The following GPHN variants were observed in gnomAD, a reference collection of about 807,000 sequenced individuals.
GPHN encodes the protein gephyrin.
GPHN carries 17 observed loss-of-function variants against 95.5 expected under a neutral mutation model. The ratio of observed to expected loss-of-function variants is 0.18; its 90% CI spans 0.12 to 0.27. The LOEUF (loss-of-function observed/expected upper bound fraction) is 0.27, where lower values mean the gene tolerates loss of function less well. GPHN is among the 10% of genes least tolerant of loss of function. GPHN has a pLI of 1.00. For synonymous variants in GPHN, 320 were observed against 322.5 expected, an observed-to-expected ratio of 0.99 and a Z score of 0.08; for missense variants, 660 against 978.1, an observed-to-expected ratio of 0.67 and a Z score of 4.34.
intron 5 of GPHN, among the ~76,000 whole-genome samples, chr14:66,884,792 ATG>A (rs577117525): frequency 2.8e-4 from 41 of 145,938 alleles, no homozygotes; most frequent in Admixed American, 4.8e-4. Context: ...ACTCACACAT[ATG>A]TGTGTGTGTG....
the GPHN span, among the ~76,000 whole-genome samples, chr14:67,324,068 C>T: frequency 2.0e-5 from 3 of 152,202 alleles, no homozygotes; most frequent in Non-Finnish European, 4.4e-5. Flanking sequence ...GGAGATGTGA[C>T]TGCCACCAAA....
chr14:66,853,546 G>C (rs150131542), intron 4 of GPHN, among the ~76,000 whole-genome samples: 1,832 of 152,294 alleles, frequency 0.012, 18 homozygotes, highest in Non-Finnish European at 0.018. Flanking sequence ...TTGGCAGCAG[G>C]CAAGAGAGCT....
chr14:67,482,466 G>A, the GPHN span, among the ~76,000 whole-genome samples: 9 of 152,220 alleles, frequency 5.9e-5, no homozygotes, highest in African/African-American at 2.2e-4. Flanking sequence ...CCATGCAACC[G>A]GGCTGGGAAG....
chr14:67,172,760 AC>A (rs752872497), intron 21 of GPHN, among the ~76,000 whole-genome samples: 1 of 151,800 alleles, frequency 6.6e-6, no homozygotes, highest in Non-Finnish European at 1.5e-5. Flanking sequence ...TATTGCCCCC[AC>A]CCCAGGGCCC....
chr14:67,195,246 G>A, the GPHN span, among the ~76,000 whole-genome samples: 8 of 152,158 alleles, frequency 5.3e-5, no homozygotes, highest in African/African-American at 9.7e-5. Flanking sequence ...GTTCAAAAAG[G>A]AAGAGGGGCG....
chr14:66,891,915 C>G (rs1208522917), intron 5 of GPHN, among the ~76,000 whole-genome samples: 1 of 151,964 alleles, frequency 6.6e-6, no homozygotes. Flanking sequence ...CAAATCAGAA[C>G]CACAGTGATA....
Position 66,826,647 on chromosome 14 carries a change from C to T in GPHN, c.294+2081C>T, listed in dbSNP as rs564115799. On this transcript the variant is annotated intron_variant, in intron 4 of 22. Transcript: ENST00000478722. ...ATAGGTCCAAAACCTCCTGGAAACA[C>T]TTTACTTATGCTTACCAGTTTACTA... Among the ~76,000 whole-genome samples the T allele has an allele frequency of 5.3e-5, 8 of 152,260 alleles. No homozygotes were observed. The South Asian group carries it at 1.7e-3, about 32-fold the overall frequency.
intron 2 of GPHN, among the ~76,000 whole-genome samples, chr14:66,749,858 T>C (rs2153447074): frequency 6.6e-6 from 1 of 151,986 alleles, no homozygotes; most frequent in South Asian, 2.1e-4. Flanking sequence ...TTTTAATTTT[T>C]GTGAGCATAT....
the GPHN span, among the ~76,000 whole-genome samples, chr14:67,187,963 A>G: frequency 6.6e-6 from 1 of 152,308 alleles, no homozygotes; most frequent in Non-Finnish European, 1.5e-5. Flanking sequence ...TCTTGAGTGC[A>G]GAGACTGTTC....
intron 8 of GPHN, among the ~76,000 whole-genome samples, chr14:66,958,710 C>T (rs571722884): frequency 2.6e-5 from 4 of 152,102 alleles, no homozygotes; most frequent in Non-Finnish European, 5.9e-5. Flanking sequence ...TATGGGACCA[C>T]TGTTGTATGT....
At chr14:67,219,234 T>G in the GPHN span, among the ~76,000 whole-genome samples, 1 of 152,180 alleles carries the variant, frequency 6.6e-6, no homozygotes, top group Non-Finnish European at 1.5e-5. Context: ...GGACTGTAGG[T>G]GTTTTTGGTA....
At chr14:67,302,175 CAA>C in the GPHN span, 1 of 1,498,690 alleles carries the variant, frequency 6.7e-7, no homozygotes, top group South Asian at 1.4e-5. Flanking sequence ...TTGTGTGCTT[CAA>C]AAGTCTGGTT....
chr14:66,806,237 A>C (rs2060536272), intron 3 of GPHN, among the ~76,000 whole-genome samples: 1 of 152,182 alleles, frequency 6.6e-6, no homozygotes. Flanking sequence ...CAGGGCACCA[A>C]GTCCCTAGAC....
At chr14:66,801,394 G>A (rs1405167075) in intron 3 of GPHN, among the ~76,000 whole-genome samples, 1 of 152,100 alleles carries the variant, frequency 6.6e-6, no homozygotes, top group African/African-American at 2.4e-5. Context: ...GCTTTAGCGG[G>A]CATCCCAAGC....
chr14:67,288,187 C>T, the GPHN span, among the ~76,000 whole-genome samples: 1 of 152,112 alleles, frequency 6.6e-6, no homozygotes, highest in Non-Finnish European at 1.5e-5. Flanking sequence ...TCAAGCGATT[C>T]TCCTGCCTCA....
At chr14:67,171,450 T>A (rs2082593864) in intron 21 of GPHN, among the ~76,000 whole-genome samples, 1 of 152,136 alleles carries the variant, frequency 6.6e-6, no homozygotes, top group African/African-American at 2.4e-5. Context: ...ACCCCGTGTT[T>A]CCATGCAAGG....
At chr14:67,443,177 C>T in the GPHN span, among the ~76,000 whole-genome samples, 3 of 151,908 alleles carry the variant, frequency 2.0e-5, no homozygotes, top group Non-Finnish European at 2.9e-5. Flanking sequence ...GCTATGACTG[C>T]GCCACTGCAC....
At chr14:67,733,829 T>C in the GPHN span, 2 of 1,612,816 alleles carry the variant, frequency 1.2e-6, no homozygotes, top group Non-Finnish European at 1.7e-6. Context: ...TGTGAGCTTC[T>C]AGGAATCCGG....
chr14:67,447,802 A>G, the GPHN span: 2 of 152,186 alleles, frequency 1.3e-5, no homozygotes. Flanking sequence ...AAGTGAGGCT[A>G]TGGATTGAAA....
Sources: allele counts gnomAD v4.1 joint callset (sites outside exome capture counted in the v4.1 genomes callset), GRCh38; gene constraint gnomAD v4.1.1; transcripts MANE v1.5; gene names NCBI Gene and HGNC (gene_info 2026-07-23, HGNC 2026-07-21).